Variants in EDN3 observed in about 807,000 individuals in gnomAD.
EDN3 encodes the protein endothelin-3.
In EDN3, 9 loss-of-function variants were observed where a neutral mutation model predicts 21.4. The observed-to-expected ratio is 0.42, with a 90% CI of 0.25 to 0.73. The LOEUF (loss-of-function observed/expected upper bound fraction) is 0.73. Ranked by LOEUF, EDN3 falls within the 30% of genes least tolerant of loss-of-function variation. EDN3 has a pLI of 0.26. For synonymous variants in EDN3, 133 were observed against 126.2 expected (o/e 1.05, Z -0.36); for missense variants, 327 against 309.4 (o/e 1.06, Z -0.43).
At chr20:59,315,135 T>C (rs1157549833) in intron 2 of EDN3, among the ~76,000 whole-genome samples, 1 of 152,236 alleles carries the variant, frequency 6.6e-6, no homozygotes, top group African/African-American at 2.4e-5. Flanking sequence ...ATTTCTAAGC[T>C]TGGGAGAGTT....
Position 59,312,780 on chromosome 20 carries a change from T to C in EDN3, c.366-8237T>C, listed in dbSNP as rs573639705. Among the ~76,000 whole-genome samples the C allele has an allele frequency of 2.6e-5, 4 of 152,282 alleles. No homozygotes were observed. The South Asian group carries it at 8.3e-4, about 32-fold the overall frequency. On this transcript the variant is annotated intron_variant, in intron 2 of 4. Transcript: ENST00000337938. Reference sequence around the variant, plus strand: ...ATGTTCAAGGGATGGTGAGGGCCTTTGGAAACATCTGAGTGGAGTTTGGAG... The same window carrying C: ...ATGTTCAAGGGATGGTGAGGGCCTTCGGAAACATCTGAGTGGAGTTTGGAG...
Position 59,324,400 on chromosome 20 carries a change from G to A in EDN3, c.658G>A (p.Gly220Arg). 3 of 1,614,138 alleles carry A rather than the reference G, an allele frequency of 1.9e-6. No individual in the cohort carries two copies. Among genetic ancestry groups the A allele is most frequent in the Non-Finnish European group, 2.5e-6 (3 of 1,180,028 alleles). Residue 220 changes from glycine to arginine, a missense_variant, in exon 5 of 5, where the codon GGA (glycine) becomes AGA (arginine). Transcript: ENST00000337938. ...LHHPKLMPGS[G>R]LALAPSTCPR... ...CCATCCAAAGCTCATGCCCGGCAGTGGACTCGCCCTCGCTCCATCTACCTG... is the reference window on the plus strand; with the variant it reads ...CCATCCAAAGCTCATGCCCGGCAGTAGACTCGCCCTCGCTCCATCTACCTG...
chr20:59,302,775 C>A (rs184928713), intron 2 of EDN3, among the ~76,000 whole-genome samples: 4 of 152,234 alleles, frequency 2.6e-5, no homozygotes, highest in African/African-American at 9.6e-5. Context: ...TGGAAAGGCA[C>A]CTTTGCCACC....
rs1284045731 is a variant in EDN3, at chr20:59,322,798, C to T, written c.588+381C>T. 2.0e-5 allele frequency among the ~76,000 whole-genome samples: 3 copies of T among 152,226 alleles called. No homozygotes were observed. Among genetic ancestry groups the T allele is most frequent in the African/African-American group, 7.2e-5 (3 of 41,450 alleles). On this transcript the variant is annotated intron_variant, in intron 4 of 4. Coordinates refer to ENST00000337938, the MANE Select transcript of EDN3 (RefSeq NM_207034.3). The surrounding 1 kb of genome is among the most constrained non-coding windows in gnomAD (Gnocchi z 4.1). ...CTGCTCTGCCCAGACCCACACTTCG[C>T]CTCTGCTTCCTTAGCAACATGTGGT...
chr20:59,317,018 C>G (rs555543189), intron 2 of EDN3, among the ~76,000 whole-genome samples: 3 of 152,234 alleles, frequency 2.0e-5, no homozygotes, highest in African/African-American at 7.2e-5. Context: ...TTCTGAAAAC[C>G]CCGTTGTATT....
chr20:59,320,214 C>T (rs952136909), intron 2 of EDN3, among the ~76,000 whole-genome samples: 1 of 152,250 alleles, frequency 6.6e-6, no homozygotes, highest in African/African-American at 2.4e-5. Context: ...AGGCCCTCAC[C>T]CGCCTCTCAG....
intron 2 of EDN3, among the ~76,000 whole-genome samples, chr20:59,319,460 C>T (rs1446957922): frequency 6.6e-6 from 1 of 152,034 alleles, no homozygotes; most frequent in Non-Finnish European, 1.5e-5. Context: ...CACCTGTAAT[C>T]CAGCACTTTG....
chr20:59,311,542 C>T (rs538076171), intron 2 of EDN3, among the ~76,000 whole-genome samples: 12 of 151,992 alleles, frequency 7.9e-5, no homozygotes, highest in South Asian at 6.2e-4. Flanking sequence ...ACTGTCATGG[C>T]GCTGGTGGGA....
rs1280294232 is a variant in EDN3 at position 59,310,940 on chromosome 20, T to C, written c.365+9218T>C. Among the ~76,000 whole-genome samples, 4 of 152,164 alleles carry C rather than the reference T, an allele frequency of 2.6e-5. No individual in the cohort carries two copies. In the South Asian group the frequency reaches 8.3e-4, roughly 32 times the overall value. On this transcript the variant is annotated intron_variant, in intron 2 of 4. Coordinates refer to ENST00000337938, the MANE Select transcript of EDN3 (RefSeq NM_207034.3). ...CATGGGTCTCTTGCAGGGCTGAGAA[T>C]AGACTGGGGTGAGTGAGGCACTCCC...
rs1165544023 is a variant in EDN3, at chr20:59,302,067, G to A, written c.365+345G>A. Among the ~76,000 whole-genome samples, 4 of 152,288 alleles carry A rather than the reference G, an allele frequency of 2.6e-5. No homozygotes were observed. The East Asian group carries it at 7.7e-4, about 29-fold the overall frequency. On this transcript the variant is annotated intron_variant, in intron 2 of 4. Transcript: ENST00000337938. ...TTCTGAGATAGAGAAAGCCCCGAAA[G>A]TTTATCTCATTCCCCAGGGGCCAAG...
At chr20:59,323,729 G>A in intron 4 of EDN3, 2 of 401,060 alleles carry the variant, frequency 5.0e-6, no homozygotes, top group East Asian at 3.6e-5. Context: ...TTCAGGTAGG[G>A]GAACCGGTGA....
At chr20:59,315,337 C>T (rs1294726820) in intron 2 of EDN3, among the ~76,000 whole-genome samples, 1 of 152,262 alleles carries the variant, frequency 6.6e-6, no homozygotes, top group Non-Finnish European at 1.5e-5. Context: ...CTCCTCTTGG[C>T]CACAGGACAA....
At chr20:59,308,183 G>A (rs1568830964) in intron 2 of EDN3, among the ~76,000 whole-genome samples, 2 of 152,200 alleles carry the variant, frequency 1.3e-5, no homozygotes, top group Admixed American at 6.5e-5. Flanking sequence ...TTGTCCTGAT[G>A]TCAGAGATGC....
chr20:59,324,738 AGTTGG>A lies in EDN3; in HGVS notation c.*280_*284del. The A allele has an allele frequency of 4.0e-6, 2 of 500,686 alleles. No homozygotes were observed. Among genetic ancestry groups the A allele is most frequent in the Non-Finnish European group, 7.3e-6 (2 of 275,560 alleles). 31.0% of individuals were successfully genotyped at this position (500,686 alleles called of 1,614,324 possible). Reference sequence around the variant, plus strand: ...AAATTGGTTTTGGAGAGTTTTGGCAAGTTGGAAAGCCACTTACTGGCTTTTGACAT... The same window carrying A: ...AAATTGGTTTTGGAGAGTTTTGGCAAAAAGCCACTTACTGGCTTTTGACAT... On this transcript the variant is annotated 3_prime_UTR_variant, in exon 5 of 5. Coordinates refer to ENST00000337938, the MANE Select transcript of EDN3 (RefSeq NM_207034.3).
In EDN3 at chr20:59,305,767, C is replaced by T. The variant is rs1319826086; in HGVS notation, c.365+4045C>T. Among the ~76,000 whole-genome samples, 1 of 152,172 alleles carries T rather than the reference C, an allele frequency of 6.6e-6. No individual in the cohort carries two copies. Among genetic ancestry groups the T allele is most frequent in the African/African-American group, 2.4e-5 (1 of 41,440 alleles). On this transcript the variant is annotated intron_variant, in intron 2 of 4. Coordinates refer to ENST00000337938, the MANE Select transcript of EDN3 (RefSeq NM_207034.3). The surrounding 1 kb of genome is among the most constrained non-coding windows in gnomAD (Gnocchi z 4.2). Reference sequence around the variant, plus strand: ...AATTCTTTTCTGTTCGGGAACCTGTCTTTTCTGTGAAGGCCCTCAACAGAT... The same window carrying T: ...AATTCTTTTCTGTTCGGGAACCTGTTTTTTCTGTGAAGGCCCTCAACAGAT...
intron 2 of EDN3, among the ~76,000 whole-genome samples, chr20:59,309,551 G>C (rs1391834182): frequency 6.6e-6 from 1 of 152,136 alleles, no homozygotes; most frequent in Non-Finnish European, 1.5e-5. Flanking sequence ...GAGGGTGTTG[G>C]CCAGATTAAA....
intron 2 of EDN3, 63 bp from the exon 3 acceptor site, chr20:59,320,954 C>G: frequency 3.7e-6 from 6 of 1,601,776 alleles, no homozygotes; most frequent in Non-Finnish European, 4.3e-6. Context: ...GCTCCACACC[C>G]TTGGGGGCCC....
rs543307657 is a variant in EDN3 at position 59,302,444 on chromosome 20, A to G, written c.365+722A>G. Among the ~76,000 whole-genome samples, 15 of 152,246 alleles carry G rather than the reference A, an allele frequency of 9.9e-5. No homozygotes were observed. In the South Asian group the frequency reaches 2.5e-3, roughly 25 times the overall value. On this transcript the variant is annotated intron_variant, in intron 2 of 4. Coordinates refer to ENST00000337938, the MANE Select transcript of EDN3 (RefSeq NM_207034.3). ...CCTGAATTTGTCTTGGGGTTCGTCC[A>G]GTGGGGAAGTCAGCCTTCTCCTGGG... is the stretch of plus-strand genomic sequence containing the variant.
In EDN3 at chr20:59,310,213, C is replaced by T. The variant is rs137969475; in HGVS notation, c.365+8491C>T. 1.6e-4 allele frequency among the ~76,000 whole-genome samples: 24 copies of T among 152,262 alleles called. 2 individuals carry two copies. In the East Asian group the frequency reaches 4.6e-3, roughly 29 times the overall value. On this transcript the variant is annotated intron_variant, in intron 2 of 4. Coordinates refer to ENST00000337938, the MANE Select transcript of EDN3 (RefSeq NM_207034.3). ...TGACCCTGTCTACGGCACCACCCCG[C>T]GTTCCAGTGTATTGGAAGTGGATGG...
Sources: allele counts gnomAD v4.1 joint callset (sites outside exome capture counted in the v4.1 genomes callset), GRCh38; gene constraint gnomAD v4.1.1; non-coding constraint Gnocchi (gnomAD v3.1); transcripts MANE v1.5; gene names NCBI Gene and HGNC (gene_info 2026-07-23, HGNC 2026-07-21).